BTBD9: variants seen among roughly 807,000 people sequenced by gnomAD.
The protein encoded by BTBD9 is BTB domain containing 9.
In BTBD9, 49 loss-of-function variants were observed where a neutral mutation model predicts 64.3. That is an observed-to-expected ratio of 0.76 (90% CI 0.61 to 0.97). The LOEUF (loss-of-function observed/expected upper bound fraction) is 0.97. Ranked by LOEUF, BTBD9 falls within the 50% of genes least tolerant of loss-of-function variation. BTBD9 has a pLI of 0.00. For synonymous variants in BTBD9, 260 were observed against 274.7 expected (o/e 0.95, Z 0.53); for missense variants, 598 against 762.1 (o/e 0.78, Z 2.53).
chr6:38,479,468 T>C (rs1771032808), intron 6 of BTBD9, among the ~76,000 whole-genome samples: 2 of 152,292 alleles, frequency 1.3e-5, no homozygotes, highest in South Asian at 2.1e-4. Flanking sequence ...AATGGTACAA[T>C]GGCAAAGTTA....
intron 7 of BTBD9, among the ~76,000 whole-genome samples, chr6:38,339,976 T>C (rs562509926): frequency 6.6e-6 from 1 of 152,296 alleles, no homozygotes; most frequent in South Asian, 2.1e-4. Context: ...GGTAATCATA[T>C]GGTTCATAGC....
At chr6:38,579,674 G>A (rs2127475100) in intron 5 of BTBD9, among the ~76,000 whole-genome samples, 1 of 152,154 alleles carries the variant, frequency 6.6e-6, no homozygotes, top group African/African-American at 2.4e-5. Context: ...GCATTTAAAA[G>A]GTTATAATAT....
chr6:38,579,500 G>A (rs552424165), intron 5 of BTBD9, among the ~76,000 whole-genome samples: 11 of 152,324 alleles, frequency 7.2e-5, no homozygotes, highest in African/African-American at 2.6e-4. Context: ...GTGGGTGAAA[G>A]CATCACAGTG....
chr6:38,354,044 A>C (rs1764624509), intron 6 of BTBD9, among the ~76,000 whole-genome samples: 1 of 152,094 alleles, frequency 6.6e-6, no homozygotes, highest in South Asian at 2.1e-4. Context: ...GGAGGAAGAG[A>C]GGCAAAAGAA....
In BTBD9 at chr6:38,498,414, A is replaced by G. The variant is rs74293638; in HGVS notation, c.1154+79186T>C. Among the ~76,000 whole-genome samples the G allele has an allele frequency of 2.4e-3, 356 of 150,454 alleles. 2 individuals carry two copies. Among genetic ancestry groups the G allele is most frequent in the Middle Eastern group, 0.021 (6 of 292 alleles). ...TTTCTTTCATTATTTAGAGACACATATATTTCAAAATTTGTATGGTTCTAT... is the reference window on the plus strand; with the variant it reads ...TTTCTTTCATTATTTAGAGACACATGTATTTCAAAATTTGTATGGTTCTAT... On this transcript the variant is annotated intron_variant, in intron 6 of 10. Coordinates refer to ENST00000481247, the MANE Select transcript of BTBD9 (RefSeq NM_001099272.2).
intron 6 of BTBD9, among the ~76,000 whole-genome samples, chr6:38,416,017 T>C (rs1433758121): frequency 1.3e-5 from 2 of 152,138 alleles, no homozygotes; most frequent in African/African-American, 4.8e-5. Flanking sequence ...CATCAAAACA[T>C]CGCTAAGGCA....
chr6:38,266,623 AAAGAAAGAAAGAAAG>A (rs1250142746), intron 8 of BTBD9, among the ~76,000 whole-genome samples: 1 of 60,684 alleles, frequency 1.6e-5, no homozygotes, highest in Non-Finnish European at 3.4e-5. Flanking sequence ...AGAAAGAAAG[AAAGAAAGAAAGAAAG>A]AAAGAAAGAA....
chr6:38,322,162 T>C (rs1332439350), intron 7 of BTBD9, among the ~76,000 whole-genome samples: 1 of 152,048 alleles, frequency 6.6e-6, no homozygotes, highest in Non-Finnish European at 1.5e-5. Flanking sequence ...AAAATCAGCA[T>C]TCTGGCTGAT....
chr6:38,275,940 C>T (rs1460776354), intron 8 of BTBD9, among the ~76,000 whole-genome samples: 1 of 151,882 alleles, frequency 6.6e-6, no homozygotes, highest in Non-Finnish European at 1.5e-5. Flanking sequence ...GTCAGTGTGG[C>T]GATTCCTCAG....
intron 7 of BTBD9, among the ~76,000 whole-genome samples, chr6:38,311,792 T>C (rs1410779533): frequency 6.6e-6 from 1 of 152,216 alleles, no homozygotes. Flanking sequence ...GGTGACATGA[T>C]ATCCCATTGT....
At chr6:38,230,275 A>C (rs1213832540) in intron 9 of BTBD9, among the ~76,000 whole-genome samples, 1 of 152,154 alleles carries the variant, frequency 6.6e-6, no homozygotes, top group African/African-American at 2.4e-5. Flanking sequence ...CAGACAGATC[A>C]CCTGAGGTCA....
chr6:38,396,897 C>CTTTTTTT lies in BTBD9; in HGVS notation c.1155-51811_1155-51805dup, dbSNP rs146597621. Among the ~76,000 whole-genome samples, 258 of 107,386 alleles carry CTTTTTTT rather than the reference C, an allele frequency of 2.4e-3. 1 individual carries two copies. The highest frequency in any genetic ancestry group is 3.6e-3 in the Non-Finnish European group (198 of 55,240). 70.4% of individuals were successfully genotyped at this position (107,386 alleles called of 152,430 possible). Reference sequence around the variant, plus strand: ...TTCACTTGATTCTTTTTTTCTTTTTCTTTTTTTTTTTTTTTTTTTTTTGAG... The same window carrying CTTTTTTT: ...TTCACTTGATTCTTTTTTTCTTTTTCTTTTTTTTTTTTTTTTTTTTTTTTTTTTTGAG... On this transcript the variant is annotated intron_variant, in intron 6 of 10. Coordinates refer to ENST00000481247, the MANE Select transcript of BTBD9 (RefSeq NM_001099272.2).
At chr6:38,465,753 A>ATATGTATG (rs1240229381) in intron 6 of BTBD9, among the ~76,000 whole-genome samples, 805 of 39,286 alleles carry the variant, frequency 0.02, 16 homozygotes, top group Non-Finnish European at 0.028. Flanking sequence ...ATATATATAT[A>ATATGTATG]TATGTATGTA....
Position 38,598,036 on chromosome 6 carries a change from T to G in BTBD9, c.59A>C (p.His20Pro). Reference sequence around the variant, plus strand: ...GGCACCAATATGTTCAGACAAAATGTGCACATGATCAATTTCCCCCACTGC... The same window carrying G: ...GGCACCAATATGTTCAGACAAAATGGGCACATGATCAATTTCCCCCACTGC... ...FTAVGEIDHV[H>P]ILSEHIGALL... The change falls in exon 2 of 11, where the codon CAC (histidine) becomes CCC (proline). Residue 20 changes from histidine (H) to proline (P), a missense_variant. Transcript: ENST00000481247. The G allele has an allele frequency of 6.2e-7, 1 of 1,613,982 alleles. No individual in the cohort carries two copies. Among genetic ancestry groups the G allele is most frequent in the Non-Finnish European group, 8.5e-7 (1 of 1,179,882 alleles).
intron 6 of BTBD9, among the ~76,000 whole-genome samples, chr6:38,523,757 T>G (rs546995735): frequency 2.6e-5 from 4 of 152,328 alleles, no homozygotes; most frequent in Admixed American, 2.6e-4. Flanking sequence ...TAACTTTATT[T>G]AAATCTCACA....
chr6:38,247,353 T>TA (rs1189222674), intron 9 of BTBD9, among the ~76,000 whole-genome samples: 1 of 152,170 alleles, frequency 6.6e-6, no homozygotes, highest in Non-Finnish European at 1.5e-5. Context: ...AAATAGCAGA[T>TA]ACAGAAACAG....
chr6:38,500,273 G>A lies in BTBD9; in HGVS notation c.1154+77327C>T, dbSNP rs538090100. 7.3e-5 allele frequency among the ~76,000 whole-genome samples: 11 copies of A among 151,624 alleles called. No homozygotes were observed. The South Asian group carries it at 2.3e-3, about 32-fold the overall frequency. On this transcript the variant is annotated intron_variant, in intron 6 of 10. Transcript: ENST00000481247. ...AGGCAGCAGAGGGGTGGTAGTAGGG[G>A]GGACCTGGAGCTTGTCATCTGAAAT... is the stretch of plus-strand genomic sequence containing the variant.
At chr6:38,207,848 G>A (rs1468217237) in intron 9 of BTBD9, among the ~76,000 whole-genome samples, 1 of 152,020 alleles carries the variant, frequency 6.6e-6, no homozygotes, top group Non-Finnish European at 1.5e-5. Flanking sequence ...TTTTAAAAGA[G>A]GAAAAAGAAA....
intron 6 of BTBD9, among the ~76,000 whole-genome samples, chr6:38,403,703 A>G (rs1767047961): frequency 6.6e-6 from 1 of 152,246 alleles, no homozygotes; most frequent in Non-Finnish European, 1.5e-5. Context: ...GAATTTCCAT[A>G]TGACCCAGCA....
Sources: allele counts gnomAD v4.1 joint callset (sites outside exome capture counted in the v4.1 genomes callset), GRCh38; gene constraint gnomAD v4.1.1; transcripts MANE v1.5; gene names NCBI Gene and HGNC (gene_info 2026-07-23, HGNC 2026-07-21).